The following SDK1 variants were observed in gnomAD, a reference collection of about 807,000 sequenced individuals.
The protein encoded by SDK1 is sidekick cell adhesion molecule 1, also known as protein sidekick-1.
Under a neutral mutation model 245.5 loss-of-function variants are expected in SDK1, and 157 were observed. The ratio of observed to expected loss-of-function variants is 0.64; its 90% CI spans 0.56 to 0.73. The LOEUF is 0.73. Among genes scored for constraint, SDK1 ranks in the 30% least tolerant of loss-of-function variants. The probability of loss-of-function intolerance (pLI) is 0.00; values close to 1 mark genes in which losing one functional copy is unlikely to be tolerated. For synonymous variants in SDK1, 1,647 were observed against 1,278.5 expected, an observed-to-expected ratio of 1.29 and a Z score of -6.15; for missense variants, 3,583 against 3,002.3, an observed-to-expected ratio of 1.19 and a Z score of -4.52.
At chr7:3,341,171 G>C (rs576894234) in intron 1 of SDK1, among the ~76,000 whole-genome samples, 1 of 152,226 alleles carries the variant, frequency 6.6e-6, no homozygotes, top group African/African-American at 2.4e-5. Flanking sequence ...TATTTAACAT[G>C]ACCAAATGAG....
chr7:3,971,576 C>T lies in SDK1; in HGVS notation c.1817+8C>T. The T allele has an allele frequency of 6.3e-7, 1 of 1,575,520 alleles. No individual in the cohort carries two copies. Among genetic ancestry groups the T allele is most frequent in the East Asian group, 2.2e-5 (1 of 44,642 alleles). On this transcript the variant is annotated splice_region_variant and intron_variant, in intron 12 of 44. Transcript: ENST00000404826. Reference sequence around the variant, plus strand: ...CCCCCGGGTTTCACTCCGGTCAGCACAATCAGTTACAATGCTTTGGGGCTT... The same window carrying T: ...CCCCCGGGTTTCACTCCGGTCAGCATAATCAGTTACAATGCTTTGGGGCTT...
At chr7:3,513,479 A>G (rs370336123) in intron 1 of SDK1, among the ~76,000 whole-genome samples, 13 of 152,330 alleles carry the variant, frequency 8.5e-5, no homozygotes, top group South Asian at 2.1e-4. Flanking sequence ...TTTCAGTGCA[A>G]TAGAAGAAAT....
intron 22 of SDK1, among the ~76,000 whole-genome samples, chr7:4,105,409 C>T (rs565739680): frequency 6.6e-6 from 1 of 152,072 alleles, no homozygotes; most frequent in Non-Finnish European, 1.5e-5. Flanking sequence ...CTGGTTCAAG[C>T]GATTCTCCTG....
chr7:3,638,916 T>A (rs181464198), intron 2 of SDK1, 88 bp from the exon 3 acceptor site: 4 of 695,476 alleles, frequency 5.8e-6, no homozygotes, highest in African/African-American at 3.5e-5. Flanking sequence ...GAGATGCCAG[T>A]GCTGTTTGAT....
At chr7:4,222,404 C>T (rs986793786) in intron 40 of SDK1, among the ~76,000 whole-genome samples, 1 of 152,186 alleles carries the variant, frequency 6.6e-6, no homozygotes, top group Admixed American at 6.5e-5. Context: ...AAGCAATTCT[C>T]CTGCCTCAGC....
At chr7:3,790,878 G>A (rs1346373436) in intron 4 of SDK1, among the ~76,000 whole-genome samples, 3 of 152,224 alleles carry the variant, frequency 2.0e-5, no homozygotes, top group African/African-American at 7.2e-5. Context: ...TGGGACAGGG[G>A]AATATTCATT....
At chr7:4,171,764 G>C (rs553400425) in intron 32 of SDK1, among the ~76,000 whole-genome samples, 120 of 152,360 alleles carry the variant, frequency 7.9e-4, no homozygotes, top group African/African-American at 2.8e-3. Flanking sequence ...GCTAGATGCC[G>C]GGCAGTGCCA....
At chr7:4,071,312 A>G (rs989314715) in intron 20 of SDK1, among the ~76,000 whole-genome samples, 7 of 152,236 alleles carry the variant, frequency 4.6e-5, no homozygotes, top group Non-Finnish European at 8.8e-5. Flanking sequence ...GGCATGAGCC[A>G]CCACGCCTGG....
intron 28 of SDK1, among the ~76,000 whole-genome samples, chr7:4,139,148 G>A (rs372537193): frequency 3.9e-5 from 6 of 151,966 alleles, no homozygotes; most frequent in Admixed American, 2.0e-4. Context: ...ATGCACACAC[G>A]TTCATCAGCT....
At chr7:4,135,219 C>T (rs576346295) in intron 28 of SDK1, among the ~76,000 whole-genome samples, 4 of 152,328 alleles carry the variant, frequency 2.6e-5, no homozygotes, top group African/African-American at 9.6e-5. Flanking sequence ...ATTTCACATT[C>T]GCCAGATTTG....
intron 17 of SDK1, among the ~76,000 whole-genome samples, 168 bp from the exon 18 acceptor site, chr7:4,049,180 C>A (rs1789249797): frequency 6.6e-6 from 1 of 152,220 alleles, no homozygotes; most frequent in African/African-American, 2.4e-5. Flanking sequence ...AATTCTCTTT[C>A]TTGGTAATGC....
chr7:3,561,670 A>T (rs1407313855), intron 1 of SDK1, among the ~76,000 whole-genome samples: 5 of 152,166 alleles, frequency 3.3e-5, no homozygotes, highest in African/African-American at 1.2e-4. Context: ...TTTTCTCCTT[A>T]TATGGATTAT....
At chr7:4,264,293 G>GGGAGGCCGCGTAGATCTCTCCTGAGTGA (rs1788287704) in intron 44 of SDK1, among the ~76,000 whole-genome samples, 2 of 109,930 alleles carry the variant, frequency 1.8e-5, no homozygotes, top group African/African-American at 7.4e-5. Flanking sequence ...CTCCTGAGTG[G>GGGAGGCCGCGTAGATCTCTCCTGAGTGA]GGAGGCCGTG....
chr7:3,670,502 G>A (rs1783664621), intron 4 of SDK1, among the ~76,000 whole-genome samples: 4 of 152,068 alleles, frequency 2.6e-5, no homozygotes, highest in South Asian at 4.1e-4. Flanking sequence ...ATGCATCAGT[G>A]TTCTCATCTC....
intron 1 of SDK1, among the ~76,000 whole-genome samples, chr7:3,412,590 C>T (rs1159164737): frequency 1.3e-5 from 2 of 152,188 alleles, no homozygotes; most frequent in Non-Finnish European, 2.9e-5. Flanking sequence ...GTCTTTTCCA[C>T]GTGTCATTTC....
intron 1 of SDK1, among the ~76,000 whole-genome samples, chr7:3,406,991 G>A (rs896592636): frequency 1.3e-5 from 2 of 152,134 alleles, no homozygotes; most frequent in African/African-American, 4.8e-5. Flanking sequence ...GAGTGGATGA[G>A]GCACAGAGAA....
At chr7:4,118,934 G>C (rs1783893397) in intron 25 of SDK1, among the ~76,000 whole-genome samples, 1 of 148,640 alleles carries the variant, frequency 6.7e-6, no homozygotes, top group Admixed American at 6.7e-5. Context: ...GAGCATTTGA[G>C]AGGAATGGGA....
At chr7:3,440,895 A>C (rs1780174349) in intron 1 of SDK1, among the ~76,000 whole-genome samples, 1 of 152,216 alleles carries the variant, frequency 6.6e-6, no homozygotes, top group East Asian at 1.9e-4. Flanking sequence ...TCCAATTGAC[A>C]GCAATGTGTT....
chr7:4,121,585 T>A (rs1784069067), intron 25 of SDK1, among the ~76,000 whole-genome samples: 1 of 152,240 alleles, frequency 6.6e-6, no homozygotes, highest in Non-Finnish European at 1.5e-5. Context: ...CTCTTTCCTT[T>A]ATAAACTACC....
Sources: gnomAD v4.1 joint callset for allele counts (sites outside exome capture counted in the v4.1 genomes callset) on GRCh38, gnomAD v4.1.1 for gene constraint, MANE v1.5 for transcripts, NCBI Gene and HGNC (gene_info 2026-07-23, HGNC 2026-07-21) for gene names.